The following GRK3 variants were observed in gnomAD, a reference collection of about 807,000 sequenced individuals.
GRK3 encodes the protein adrenergic, beta, receptor kinase 2.
Under a neutral mutation model 95.7 loss-of-function variants are expected in GRK3, and 54 were observed. The observed-to-expected ratio is 0.56, with a 90% CI of 0.45 to 0.71. GRK3 has a LOEUF of 0.71. GRK3 is among the 30% of genes least tolerant of loss of function. GRK3 has a pLI of 0.00. For synonymous variants in GRK3, 281 were observed against 290.8 expected, an observed-to-expected ratio of 0.97 and a Z score of 0.34; for missense variants, 649 against 851.2, an observed-to-expected ratio of 0.76 and a Z score of 2.96.
chr22:25,647,982 G>A (rs1026835250), intron 3 of GRK3, among the ~76,000 whole-genome samples: 1 of 152,054 alleles, frequency 6.6e-6, no homozygotes, highest in Non-Finnish European at 1.5e-5. Context: ...TGGACGTGGT[G>A]GTGAGTGCCT....
intron 7 of GRK3, among the ~76,000 whole-genome samples, chr22:25,673,108 C>G (rs1569188395): frequency 6.9e-6 from 1 of 144,220 alleles, no homozygotes; most frequent in Non-Finnish European, 1.5e-5. Flanking sequence ...GTCGCCCAGG[C>G]TGGAATGTAG....
intron 15 of GRK3, among the ~76,000 whole-genome samples, chr22:25,708,296 G>C (rs1168489098): frequency 6.6e-6 from 1 of 152,090 alleles, no homozygotes; most frequent in African/African-American, 2.4e-5. Context: ...AAGTAGTCAG[G>C]TCTGGGTCTG....
At chr22:25,708,006 G>A (rs906406603) in intron 15 of GRK3, among the ~76,000 whole-genome samples, 3 of 152,096 alleles carry the variant, frequency 2.0e-5, no homozygotes, top group African/African-American at 7.2e-5. Flanking sequence ...GGGAGGCCGA[G>A]GTGGGTGGAT....
At chr22:25,714,801 C>T (rs1168784975) in intron 18 of GRK3, among the ~76,000 whole-genome samples, 2 of 152,078 alleles carry the variant, frequency 1.3e-5, no homozygotes, top group Middle Eastern at 3.2e-3. Flanking sequence ...CTTTAGTATG[C>T]CCTTTTATCT....
At chr22:25,627,878 A>G (rs1186946646) in intron 2 of GRK3, among the ~76,000 whole-genome samples, 2 of 152,258 alleles carry the variant, frequency 1.3e-5, no homozygotes, top group Admixed American at 6.5e-5. Context: ...CCAGGAACAG[A>G]CACACAGATC....
At position 25,657,553 on chromosome 22, in the gene GRK3, A is replaced by G. The variant is rs141118130; in HGVS notation, c.265-4023A>G. Among the ~76,000 whole-genome samples the G allele has an allele frequency of 1.8e-3, 280 of 152,212 alleles. 2 individuals carry two copies. The highest frequency in any genetic ancestry group is 6.4e-3 in the African/African-American group (264 of 41,546). Reference sequence around the variant, plus strand: ...ATCGTTCTACTATCAATTTGTTTTTATATATAAAGTGTGTTTCTTTTAGAC... The same window carrying G: ...ATCGTTCTACTATCAATTTGTTTTTGTATATAAAGTGTGTTTCTTTTAGAC... On this transcript the variant is annotated intron_variant, in intron 3 of 20. Transcript: ENST00000324198.
chr22:25,571,724 C>A (rs760981454), intron 1 of GRK3, among the ~76,000 whole-genome samples: 2 of 152,148 alleles, frequency 1.3e-5, no homozygotes, highest in African/African-American at 4.8e-5. Context: ...TTGGCTGGAA[C>A]AGAGAAGAGC....
At chr22:25,640,229 G>T (rs188090468) in intron 2 of GRK3, among the ~76,000 whole-genome samples, 4 of 152,246 alleles carry the variant, frequency 2.6e-5, no homozygotes, top group Admixed American at 2.0e-4. Flanking sequence ...TTTCTTATCT[G>T]ACATGCATTG....
intron 3 of GRK3, chr22:25,649,014 G>A: frequency 8.3e-7 from 1 of 1,200,378 alleles, no homozygotes; most frequent in Non-Finnish European, 1.2e-6. Context: ...AAAGGGCAGA[G>A]TGCCATATCC....
At chr22:25,622,580 C>T (rs768849874) in intron 2 of GRK3, among the ~76,000 whole-genome samples, 6 of 152,166 alleles carry the variant, frequency 3.9e-5, no homozygotes, top group Admixed American at 6.5e-5. Context: ...CAGGGAACTG[C>T]GCAGGAGCCA....
At chr22:25,640,024 C>T (rs566181285) in intron 2 of GRK3, among the ~76,000 whole-genome samples, 1 of 152,146 alleles carries the variant, frequency 6.6e-6, no homozygotes, top group South Asian at 2.1e-4. Flanking sequence ...GTCCTGTGGC[C>T]TTGCTAAATT....
intron 2 of GRK3, among the ~76,000 whole-genome samples, chr22:25,609,870 CAG>C (rs1263360732): frequency 1.6e-5 from 2 of 127,860 alleles, no homozygotes; most frequent in South Asian, 2.5e-4. Context: ...TTTTTTGAGA[CAG>C]AGTCTTGCTC....
intron 2 of GRK3, among the ~76,000 whole-genome samples, chr22:25,618,266 C>T (rs2084554945): frequency 6.6e-6 from 1 of 152,198 alleles, no homozygotes; most frequent in Non-Finnish European, 1.5e-5. Flanking sequence ...ATTGCTGGAT[C>T]GTGTCTGATA....
At chr22:25,586,997 G>T (rs1309799216) in intron 1 of GRK3, among the ~76,000 whole-genome samples, 9 of 151,408 alleles carry the variant, frequency 5.9e-5, no homozygotes. Context: ...CAATTCTCCT[G>T]CCTCAGCCTC....
rs913352762 is a variant in GRK3 at position 25,724,862 on chromosome 22, T to A, written c.*2412T>A. On this transcript the variant is annotated 3_prime_UTR_variant, in exon 21 of 21. Coordinates refer to ENST00000324198, the MANE Select transcript of GRK3 (RefSeq NM_005160.4). Reference sequence around the variant, plus strand: ...GGTATACTTGGCTGTTGTTTTTTTTTAATTTTTTAATTTTTTGGGATAGGG... The same window carrying A: ...GGTATACTTGGCTGTTGTTTTTTTTAAATTTTTTAATTTTTTGGGATAGGG... The A allele has an allele frequency of 1.1e-4, 17 of 152,244 alleles. No homozygotes were observed. Among genetic ancestry groups the A allele is most frequent in the African/African-American group, 3.1e-4 (13 of 41,542 alleles). The allele number at this position is 152,244 out of a possible 1,614,324, so 9.4% of individuals were successfully genotyped here.
intron 1 of GRK3, among the ~76,000 whole-genome samples, chr22:25,593,102 T>C (rs545393359): frequency 6.6e-6 from 1 of 152,192 alleles, no homozygotes; most frequent in South Asian, 2.1e-4. Flanking sequence ...TTGTTATTAA[T>C]GAATAGTGCT....
intron 1 of GRK3, among the ~76,000 whole-genome samples, chr22:25,597,101 G>T (rs1360232094): frequency 2.6e-5 from 4 of 152,052 alleles, no homozygotes; most frequent in African/African-American, 7.2e-5. Context: ...TATTTCTATA[G>T]ATTATATTTT....
chr22:25,721,149 C>T (rs1417693061), intron 19 of GRK3, 135 bp from the exon 20 acceptor site: 3 of 500,534 alleles, frequency 6.0e-6, no homozygotes, highest in Non-Finnish European at 7.1e-6. Context: ...TTTCCCCTTA[C>T]TTCTAGAATA....
intron 9 of GRK3, among the ~76,000 whole-genome samples, chr22:25,680,766 A>C (rs1289240868): frequency 1.3e-5 from 2 of 152,214 alleles, no homozygotes; most frequent in Admixed American, 1.3e-4. Context: ...AAATAATTAT[A>C]GTAAAGTTAT....
Sources: gnomAD v4.1 joint callset for allele counts (sites outside exome capture counted in the v4.1 genomes callset) on GRCh38, gnomAD v4.1.1 for gene constraint, MANE v1.5 for transcripts, NCBI Gene and HGNC (gene_info 2026-07-23, HGNC 2026-07-21) for gene names.